The following CDH20 variants were observed in gnomAD, a reference collection of about 807,000 sequenced individuals.
The protein encoded by CDH20 is cadherin 20.
In CDH20, 29 loss-of-function variants were observed where a neutral mutation model predicts 74.2. The ratio of observed to expected loss-of-function variants is 0.39; its 90% confidence interval spans 0.29 to 0.53. The LOEUF (loss-of-function observed/expected upper bound fraction) is 0.53. Among genes scored for constraint, CDH20 ranks in the 20% least tolerant of loss-of-function variants. The pLI, the probability that CDH20 is intolerant of heterozygous loss-of-function variation, is 0.69. For missense variants in CDH20, 988 were observed against 1,048.3 expected (o/e 0.94, Z 0.79); for synonymous variants, 469 against 405.4 (o/e 1.16, Z -1.88).
At chr18:61,519,977 C>T (rs1179853937) in intron 6 of CDH20, among the ~76,000 whole-genome samples, 1 of 143,344 alleles carries the variant, frequency 7.0e-6, no homozygotes, top group Non-Finnish European at 1.5e-5. Context: ...GTAGGGGTTG[C>T]AATCCTAGTC....
intron 1 of CDH20, among the ~76,000 whole-genome samples, chr18:61,358,219 A>T (rs1910561271): frequency 6.8e-6 from 1 of 147,946 alleles, no homozygotes; most frequent in Admixed American, 6.8e-5. Context: ...GGTTCACGCC[A>T]TTCTCCTGCC....
intron 1 of CDH20, among the ~76,000 whole-genome samples, chr18:61,439,269 T>C (rs1367961571): frequency 1.3e-5 from 2 of 152,138 alleles, no homozygotes. Flanking sequence ...TGAAATTATT[T>C]TAAATGTTAT....
intron 1 of CDH20, among the ~76,000 whole-genome samples, chr18:61,342,249 T>A (rs1230135876): frequency 6.6e-6 from 1 of 152,114 alleles, no homozygotes; most frequent in Non-Finnish European, 1.5e-5. Flanking sequence ...AGCAAAAAAA[T>A]AAATAAATAA....
chr18:61,475,266 G>C (rs1199190325), intron 1 of CDH20, among the ~76,000 whole-genome samples: 1 of 152,200 alleles, frequency 6.6e-6, no homozygotes, highest in East Asian at 1.9e-4. Context: ...ACAGGTCTAA[G>C]TAGCCAGATA....
intron 1 of CDH20, among the ~76,000 whole-genome samples, chr18:61,385,838 G>A (rs1291131010): frequency 1.3e-5 from 2 of 151,528 alleles, no homozygotes; most frequent in East Asian, 3.9e-4. Context: ...GCTGAGGCAG[G>A]AGAATCACTT....
At chr18:61,433,024 G>GT (rs1908704673) in intron 1 of CDH20, among the ~76,000 whole-genome samples, 1 of 152,274 alleles carries the variant, frequency 6.6e-6, no homozygotes, top group African/African-American at 2.4e-5. Context: ...TAGGAGCAGT[G>GT]TAACTACATG....
At chr18:61,540,691 C>T (rs1400246450) in intron 9 of CDH20, among the ~76,000 whole-genome samples, 1 of 152,110 alleles carries the variant, frequency 6.6e-6, no homozygotes, top group Non-Finnish European at 1.5e-5. Context: ...TGGGTGGGGA[C>T]ACAGCCAAAC....
chr18:61,458,655 A>G (rs1455110367), intron 1 of CDH20, among the ~76,000 whole-genome samples: 2 of 152,230 alleles, frequency 1.3e-5, no homozygotes, highest in African/African-American at 4.8e-5. Context: ...CAGACGCTAA[A>G]GGGCCCTATA....
chr18:61,474,237 G>C (rs1433640047), intron 1 of CDH20, among the ~76,000 whole-genome samples: 5 of 152,176 alleles, frequency 3.3e-5, no homozygotes, highest in Non-Finnish European at 7.3e-5. Flanking sequence ...ACCTGATGTT[G>C]TTTAAATTTC....
At chr18:61,399,707 T>C (rs1393073037) in intron 1 of CDH20, among the ~76,000 whole-genome samples, 1 of 152,214 alleles carries the variant, frequency 6.6e-6, no homozygotes, top group Non-Finnish European at 1.5e-5. Context: ...TGGAAAAAAT[T>C]TGCTTTCAGT....
chr18:61,527,697 A>G (rs1912477877), intron 6 of CDH20, among the ~76,000 whole-genome samples: 1 of 152,074 alleles, frequency 6.6e-6, no homozygotes, highest in Non-Finnish European at 1.5e-5. Flanking sequence ...CCCAGAATAA[A>G]CGGGCAAACT....
intron 1 of CDH20, among the ~76,000 whole-genome samples, chr18:61,341,736 A>G (rs1007535724): frequency 6.6e-5 from 10 of 152,188 alleles, no homozygotes; most frequent in Admixed American, 2.0e-4. Context: ...AACTGGCAAG[A>G]TCTCCCAAGG....
intron 1 of CDH20, among the ~76,000 whole-genome samples, chr18:61,356,960 C>T (rs1048493942): frequency 2.6e-5 from 4 of 152,210 alleles, no homozygotes; most frequent in Admixed American, 2.0e-4. Flanking sequence ...ATTCCATATT[C>T]TCAGACATGT....
chr18:61,423,716 T>C (rs1912971705), intron 1 of CDH20, among the ~76,000 whole-genome samples: 1 of 152,188 alleles, frequency 6.6e-6, no homozygotes, highest in South Asian at 2.1e-4. Flanking sequence ...AATTGCTAAA[T>C]TCAAAGCTTT....
intron 1 of CDH20, among the ~76,000 whole-genome samples, chr18:61,486,458 T>C (rs1272542062): frequency 6.6e-6 from 1 of 152,218 alleles, no homozygotes; most frequent in Non-Finnish European, 1.5e-5. Flanking sequence ...TTTTGTACTC[T>C]ATACAAAAGG....
At chr18:61,552,682 A>C (rs888203965) in intron 11 of CDH20, among the ~76,000 whole-genome samples, 1 of 152,294 alleles carries the variant, frequency 6.6e-6, no homozygotes, top group Admixed American at 6.5e-5. Context: ...GACTTGCATT[A>C]ATTATCAGCA....
intron 9 of CDH20, among the ~76,000 whole-genome samples, chr18:61,541,452 T>C (rs1200926257): frequency 6.6e-6 from 1 of 152,082 alleles, no homozygotes; most frequent in South Asian, 2.1e-4. Context: ...GAGGTTGCAT[T>C]CTAACAAGTG....
chr18:61,361,324 G>C (rs1319353304), intron 1 of CDH20, among the ~76,000 whole-genome samples: 2 of 152,116 alleles, frequency 1.3e-5, no homozygotes, highest in African/African-American at 4.8e-5. Context: ...TTTAACATGA[G>C]GTGACAAATT....
chr18:61,447,381 C>T (rs770871188), intron 1 of CDH20, among the ~76,000 whole-genome samples: 11 of 152,126 alleles, frequency 7.2e-5, no homozygotes, highest in Admixed American at 5.2e-4. Context: ...CCCCCTAAAA[C>T]GTTAAGTATG....
Sources: allele counts gnomAD v4.1 joint callset (sites outside exome capture counted in the v4.1 genomes callset), GRCh38; gene constraint gnomAD v4.1.1; transcripts MANE v1.5; gene names NCBI Gene and HGNC (gene_info 2026-07-23, HGNC 2026-07-21).